Variants in CRPPA observed in about 807,000 individuals in gnomAD.
CRPPA encodes the protein D-ribitol-5-phosphate cytidylyltransferase.
CRPPA carries 43 observed loss-of-function variants against 52.0 expected under a neutral mutation model. The ratio of observed to expected loss-of-function variants is 0.83; its 90% CI spans 0.65 to 1.07. The LOEUF (loss-of-function observed/expected upper bound fraction) is 1.07. Ranked by LOEUF, CRPPA falls within the 50% of genes least tolerant of loss-of-function variation. The probability of loss-of-function intolerance (pLI) is 0.00; values close to 1 mark genes in which losing one functional copy is unlikely to be tolerated. For synonymous variants in CRPPA, 250 were observed against 203.5 expected, an observed-to-expected ratio of 1.23 and a Z score of -1.94; for missense variants, 629 against 551.7, an observed-to-expected ratio of 1.14 and a Z score of -1.40.
chr7:16,306,241 A>T (rs1273893570), intron 4 of CRPPA, among the ~76,000 whole-genome samples: 6 of 152,316 alleles, frequency 3.9e-5, no homozygotes, highest in African/African-American at 1.2e-4. Context: ...ACGGATTAGG[A>T]CTTGAACATA....
intron 9 of CRPPA, among the ~76,000 whole-genome samples, chr7:16,202,181 G>T (rs1318378917): frequency 6.6e-6 from 1 of 151,878 alleles, no homozygotes; most frequent in Non-Finnish European, 1.5e-5. Flanking sequence ...TGAATCCCTG[G>T]GATAAATCAG....
intron 2 of CRPPA, among the ~76,000 whole-genome samples, chr7:16,397,676 C>T (rs2128316267): frequency 6.6e-6 from 1 of 152,206 alleles, no homozygotes; most frequent in East Asian, 1.9e-4. Flanking sequence ...ACGTCACCGA[C>T]AAACACGTGA....
intron 3 of CRPPA, among the ~76,000 whole-genome samples, chr7:16,341,923 C>A (rs976149476): frequency 6.6e-6 from 1 of 152,088 alleles, no homozygotes; most frequent in Non-Finnish European, 1.5e-5. Context: ...TTTCTCTAGT[C>A]ATTTCTTCCC....
At chr7:16,205,227 G>T (rs1202134075) in intron 9 of CRPPA, among the ~76,000 whole-genome samples, 1 of 152,094 alleles carries the variant, frequency 6.6e-6, no homozygotes, top group Non-Finnish European at 1.5e-5. Context: ...ATAACAAAAG[G>T]CATGCATTTT....
At chr7:16,262,187 T>C (rs568156726) in intron 6 of CRPPA, 5 of 152,334 alleles carry the variant, frequency 3.3e-5, no homozygotes, top group African/African-American at 1.2e-4. Context: ...AACTTTCTTT[T>C]AGCTTTCTGA....
At chr7:16,189,760 G>C (rs905132686) in intron 9 of CRPPA, among the ~76,000 whole-genome samples, 2 of 152,132 alleles carry the variant, frequency 1.3e-5, no homozygotes, top group African/African-American at 2.4e-5. Flanking sequence ...TAATCACAGA[G>C]GAATAGTTCT....
chr7:16,170,821 A>G (rs1178649525), intron 9 of CRPPA, among the ~76,000 whole-genome samples: 1 of 152,202 alleles, frequency 6.6e-6, no homozygotes, highest in East Asian at 1.9e-4. Context: ...CTACTGGCCC[A>G]GGTGCTAAGC....
intron 9 of CRPPA, among the ~76,000 whole-genome samples, chr7:16,108,987 A>T (rs548837651): frequency 2.0e-5 from 3 of 151,858 alleles, no homozygotes; most frequent in Non-Finnish European, 4.4e-5. Context: ...AGAAAAAAAC[A>T]TTTCAAGTGA....
chr7:16,198,724 A>ATT (rs11415283), intron 9 of CRPPA, among the ~76,000 whole-genome samples: 15 of 141,538 alleles, frequency 1.1e-4, no homozygotes, highest in East Asian at 2.8e-4. Flanking sequence ...CTTGCGCAGC[A>ATT]TTTTTTTTTT....
chr7:16,097,125 G>GGTTCAAGC lies in CRPPA; in HGVS notation c.1252-5327_1252-5326insGCTTGAAC, dbSNP rs1165939971. 1.6e-4 allele frequency among the ~76,000 whole-genome samples: 24 copies of GGTTCAAGC among 152,084 alleles called. No homozygotes were observed. The South Asian group carries it at 4.6e-3, about 29-fold the overall frequency. On this transcript the variant is annotated intron_variant, in intron 9 of 9. Coordinates refer to ENST00000407010, the MANE Select transcript of CRPPA (RefSeq NM_001101426.4). ...TAAATATTTTCAAAATCTATACAAA[G>GGTTCAAGC]AAAACCTTTTTTGCTTGAAAATTCA...
chr7:16,263,926 C>T (rs1291942877), intron 6 of CRPPA, among the ~76,000 whole-genome samples: 7 of 152,112 alleles, frequency 4.6e-5, no homozygotes, highest in Non-Finnish European at 1.5e-5. Flanking sequence ...GAAATGCATA[C>T]ACAATATTTA....
At chr7:16,385,925 T>C (rs1787256356) in intron 2 of CRPPA, among the ~76,000 whole-genome samples, 1 of 152,166 alleles carries the variant, frequency 6.6e-6, no homozygotes, top group Non-Finnish European at 1.5e-5. Flanking sequence ...CAGTAGCGTC[T>C]AGGGGTGGGT....
intron 8 of CRPPA, among the ~76,000 whole-genome samples, chr7:16,232,622 A>G (rs548643793): frequency 6.6e-6 from 1 of 152,302 alleles, no homozygotes; most frequent in East Asian, 1.9e-4. Context: ...CATTAGGTTG[A>G]GTATAAAGAA....
At chr7:16,335,276 G>A (rs914940166) in intron 3 of CRPPA, among the ~76,000 whole-genome samples, 5 of 151,896 alleles carry the variant, frequency 3.3e-5, no homozygotes, top group Admixed American at 2.0e-4. Context: ...TAACTTGACC[G>A]TGGGAGGTCA....
intron 3 of CRPPA, among the ~76,000 whole-genome samples, chr7:16,313,464 T>A (rs1785079329): frequency 6.6e-6 from 1 of 151,908 alleles, no homozygotes; most frequent in Non-Finnish European, 1.5e-5. Flanking sequence ...CCTGGCTGAT[T>A]TATTTTATCT....
At chr7:16,190,747 G>C (rs1781592819) in intron 9 of CRPPA, among the ~76,000 whole-genome samples, 1 of 152,046 alleles carries the variant, frequency 6.6e-6, no homozygotes. Flanking sequence ...CCAATGCGTA[G>C]TCTTTTATCC....
chr7:16,151,870 T>C (rs1783081988), intron 9 of CRPPA, among the ~76,000 whole-genome samples: 1 of 152,006 alleles, frequency 6.6e-6, no homozygotes, highest in Non-Finnish European at 1.5e-5. Context: ...TACCATGTCT[T>C]GGGTTAAAAC....
intron 9 of CRPPA, among the ~76,000 whole-genome samples, chr7:16,176,359 G>A (rs991849295): frequency 2.0e-5 from 3 of 152,038 alleles, no homozygotes; most frequent in Non-Finnish European, 2.9e-5. Flanking sequence ...TCTGAACTCT[G>A]ACACCAACCA....
At chr7:16,399,674 C>T (rs1486480488) in intron 2 of CRPPA, among the ~76,000 whole-genome samples, 2 of 151,990 alleles carry the variant, frequency 1.3e-5, no homozygotes, top group Non-Finnish European at 2.9e-5. Flanking sequence ...GTGGCCGACG[C>T]ATGACCAGTG....
Sources: allele counts gnomAD v4.1 joint callset (sites outside exome capture counted in the v4.1 genomes callset), GRCh38; gene constraint gnomAD v4.1.1; transcripts MANE v1.5; gene names NCBI Gene and HGNC (gene_info 2026-07-23, HGNC 2026-07-21).